Variants in CSMD1 observed in about 807,000 individuals in gnomAD.
CSMD1 encodes the protein CUB and Sushi multiple domains 1, also known as CUB and sushi domain-containing protein 1.
CSMD1 carries 213 observed loss-of-function variants against 417.5 expected under a neutral mutation model. The ratio of observed to expected loss-of-function variants is 0.51; its 90% confidence interval spans 0.46 to 0.57. The LOEUF is 0.57. Among genes scored for constraint, CSMD1 ranks in the 20% least tolerant of loss-of-function variants. CSMD1 has a pLI of 0.00. For synonymous variants in CSMD1, 2,862 were observed against 1,736.8 expected (o/e 1.65, Z -16.11); for missense variants, 6,923 against 4,529.7 (o/e 1.53, Z -15.17).
chr8:3,664,425 C>T (rs547051235), intron 7 of CSMD1, among the ~76,000 whole-genome samples: 1 of 152,172 alleles, frequency 6.6e-6, no homozygotes, highest in African/African-American at 2.4e-5. Context: ...TCTTCCAAAA[C>T]CATGTTATTC....
At chr8:3,580,405 C>T (rs576671966) in intron 9 of CSMD1, among the ~76,000 whole-genome samples, 3 of 152,064 alleles carry the variant, frequency 2.0e-5, no homozygotes, top group Middle Eastern at 3.4e-3. Context: ...TGGGGGGAGG[C>T]GGATACTCCA....
intron 50 of CSMD1, among the ~76,000 whole-genome samples, chr8:3,039,505 C>T (rs1312050042): frequency 1.3e-5 from 2 of 148,706 alleles, no homozygotes; most frequent in Non-Finnish European, 3.0e-5. Flanking sequence ...ATTCTTCCTT[C>T]TTTCCCTTCC....
At chr8:4,440,286 C>G (rs532503195) in intron 2 of CSMD1, among the ~76,000 whole-genome samples, 1 of 152,130 alleles carries the variant, frequency 6.6e-6, no homozygotes, top group Non-Finnish European at 1.5e-5. Flanking sequence ...AGCATTGGTA[C>G]TATAACCAGA....
At chr8:4,456,280 C>T (rs558372382) in intron 2 of CSMD1, among the ~76,000 whole-genome samples, 63 of 151,934 alleles carry the variant, frequency 4.1e-4, no homozygotes, top group Non-Finnish European at 6.6e-4. Context: ...TAAGTGAGAT[C>T]TAAAAGCTGA....
intron 1 of CSMD1, among the ~76,000 whole-genome samples, chr8:4,726,149 T>C (rs925441634): frequency 6.6e-6 from 1 of 152,096 alleles, no homozygotes; most frequent in Non-Finnish European, 1.5e-5. Context: ...GCCATTTGCA[T>C]CCAGATGAAT....
chr8:4,291,665 C>T (rs1250911273), intron 3 of CSMD1, among the ~76,000 whole-genome samples: 1 of 152,020 alleles, frequency 6.6e-6, no homozygotes, highest in Non-Finnish European at 1.5e-5. Context: ...CATTTCCTAC[C>T]AGAAAGATAC....
chr8:4,902,413 A>C (rs1324344634), intron 1 of CSMD1, among the ~76,000 whole-genome samples: 1 of 150,508 alleles, frequency 6.6e-6, no homozygotes, highest in African/African-American at 2.4e-5. Flanking sequence ...CAACAGAACA[A>C]GAACCCATCT....
intron 3 of CSMD1, among the ~76,000 whole-genome samples, chr8:4,199,281 C>G (rs902560445): frequency 6.6e-6 from 1 of 152,278 alleles, no homozygotes; most frequent in South Asian, 2.1e-4. Flanking sequence ...CTGCTATGGT[C>G]ATTGATATGC....
intron 3 of CSMD1, among the ~76,000 whole-genome samples, chr8:4,161,983 T>C (rs1797200244): frequency 6.6e-6 from 1 of 152,212 alleles, no homozygotes; most frequent in Non-Finnish European, 1.5e-5. Context: ...TTCTTTATGG[T>C]GGCATTGTGC....
chr8:3,671,829 A>C (rs919165275), intron 7 of CSMD1, among the ~76,000 whole-genome samples: 8 of 151,952 alleles, frequency 5.3e-5, no homozygotes, highest in Non-Finnish European at 1.0e-4. Context: ...TTCTTGAGCA[A>C]TGACTTGAAA....
intron 8 of CSMD1, among the ~76,000 whole-genome samples, chr8:3,611,816 A>G (rs1801908042): frequency 6.6e-6 from 1 of 152,142 alleles, no homozygotes; most frequent in South Asian, 2.1e-4. Context: ...TGTATGAGGT[A>G]CAAAATCATG....
At chr8:3,280,370 G>C (rs1181488347) in intron 26 of CSMD1, among the ~76,000 whole-genome samples, 1 of 152,172 alleles carries the variant, frequency 6.6e-6, no homozygotes, top group Admixed American at 6.5e-5. Context: ...TAGAGGTCAA[G>C]ATAGAAACTC....
At chr8:3,529,271 GA>G (rs1040661033) in intron 10 of CSMD1, among the ~76,000 whole-genome samples, 47 of 152,250 alleles carry the variant, frequency 3.1e-4, no homozygotes, top group African/African-American at 1.1e-3. Context: ...TCTTTTCCAT[GA>G]TTTTTTTGCA....
chr8:4,565,584 A>C (rs1435917311), intron 2 of CSMD1, among the ~76,000 whole-genome samples: 1 of 151,588 alleles, frequency 6.6e-6, no homozygotes, highest in Non-Finnish European at 1.5e-5. Flanking sequence ...AAAATACAAA[A>C]ATTAGCTGGG....
At chr8:3,765,948 G>A (rs1203021223) in intron 5 of CSMD1, among the ~76,000 whole-genome samples, 1 of 152,222 alleles carries the variant, frequency 6.6e-6, no homozygotes, top group South Asian at 2.1e-4. Flanking sequence ...TGGCCTGGAT[G>A]CCAGCAAATC....
In CSMD1 at chr8:3,528,349, G is replaced by A. The variant is rs141498291; in HGVS notation, c.1345-34623C>T. Among the ~76,000 whole-genome samples the A allele has an allele frequency of 3.9e-5, 6 of 152,296 alleles. No individual in the cohort carries two copies. The East Asian group carries it at 9.7e-4, about 25-fold the overall frequency. ...CCCTCTCTATTTATACCAAAGGAAA[G>A]GTGACAGGCACAAGAGAATACAAAT... On this transcript the variant is annotated intron_variant, in intron 10 of 69. Coordinates refer to ENST00000635120, the MANE Select transcript of CSMD1 (RefSeq NM_033225.6).
intron 5 of CSMD1, among the ~76,000 whole-genome samples, chr8:3,848,799 TAGC>T (rs1217934686): frequency 1.3e-5 from 2 of 152,070 alleles, no homozygotes; most frequent in Non-Finnish European, 1.5e-5. Context: ...AAAAAATGAT[TAGC>T]AGCGATTTTA....
chr8:3,047,373 C>T (rs1386029047), intron 50 of CSMD1, among the ~76,000 whole-genome samples: 1 of 152,156 alleles, frequency 6.6e-6, no homozygotes, highest in East Asian at 1.9e-4. Context: ...CTGTTTGCAT[C>T]CGGCCTTCTG....
intron 41 of CSMD1, among the ~76,000 whole-genome samples, chr8:3,123,205 CT>C (rs1817306938): frequency 6.6e-6 from 1 of 152,164 alleles, no homozygotes; most frequent in South Asian, 2.1e-4. Context: ...ACACACACCC[CT>C]CATCTGCATT....
Sources: allele counts gnomAD v4.1 joint callset (sites outside exome capture counted in the v4.1 genomes callset), GRCh38; gene constraint gnomAD v4.1.1; transcripts MANE v1.5; gene names NCBI Gene and HGNC (gene_info 2026-07-23, HGNC 2026-07-21).